Variants in KDM2B observed in about 807,000 individuals in gnomAD.
KDM2B encodes the protein lysine-specific demethylase 2B.
A neutral mutation model predicts 150.0 loss-of-function variants in KDM2B; 26 were observed. That is an observed-to-expected ratio of 0.17 (90% CI 0.13 to 0.24). The LOEUF is 0.24. Ranked by LOEUF, KDM2B falls within the 10% of genes least tolerant of loss-of-function variation. The probability of loss-of-function intolerance (pLI) is 1.00; values close to 1 mark genes in which losing one functional copy is unlikely to be tolerated. For missense variants in KDM2B, 1,265 were observed against 1,816.9 expected (o/e 0.70, Z 5.52); for synonymous variants, 734 against 729.5 (o/e 1.01, Z -0.10).
chr12:121,455,886 C>T (rs1878155503), intron 12 of KDM2B, among the ~76,000 whole-genome samples: 1 of 152,142 alleles, frequency 6.6e-6, no homozygotes, highest in Non-Finnish European at 1.5e-5. Flanking sequence ...TTCAGAGCTT[C>T]CTGGATTTGA....
In KDM2B at chr12:121,468,234, T is replaced by G. The variant is rs782320139; in HGVS notation, c.1735-14890A>C. On this transcript the variant is annotated intron_variant, in intron 12 of 22. Coordinates refer to ENST00000377071, the MANE Select transcript of KDM2B (RefSeq NM_032590.5). The surrounding 1 kb of genome is among the most constrained non-coding windows in gnomAD (Gnocchi z 4.0). ...GGTGTGGGTTTCTGAATTCTTAAGC[T>G]GCAAAGGTTCCTAGTGCTCACTCCA... 6.6e-6 allele frequency: 1 copy of G among 152,288 alleles called. No homozygotes were observed. The highest frequency in any genetic ancestry group is 6.5e-5 in the Admixed American group (1 of 15,274). The allele number at this position is 152,288 out of a possible 1,614,324, so 9.4% of individuals were successfully genotyped here.
At chr12:121,522,965 C>G (rs1479291474) in intron 8 of KDM2B, among the ~76,000 whole-genome samples, 1 of 152,258 alleles carries the variant, frequency 6.6e-6, no homozygotes. Flanking sequence ...CCCTCATTCA[C>G]TGGGACACAC....
intron 12 of KDM2B, among the ~76,000 whole-genome samples, chr12:121,462,272 A>C (rs1414733745): frequency 5.5e-5 from 8 of 146,304 alleles, no homozygotes; most frequent in Admixed American, 5.3e-4. Flanking sequence ...GCCCCTTAAC[A>C]CACGCCTGTA....
chr12:121,501,221 A>C (rs986344055), intron 11 of KDM2B, among the ~76,000 whole-genome samples: 1 of 152,138 alleles, frequency 6.6e-6, no homozygotes, highest in South Asian at 2.1e-4. Flanking sequence ...AATCTACAAG[A>C]AAATGAAGGC....
downstream of KDM2B, among the ~76,000 whole-genome samples, chr12:121,427,613 C>T (rs1872571955): frequency 6.6e-6 from 1 of 152,152 alleles, no homozygotes; most frequent in Admixed American, 6.5e-5. Context: ...CTGGATTGTT[C>T]AGTACTCTTG....
chr12:121,473,113 G>C (rs1387396380), intron 12 of KDM2B, among the ~76,000 whole-genome samples: 1 of 152,138 alleles, frequency 6.6e-6, no homozygotes, highest in African/African-American at 2.4e-5. Context: ...ATGACAGGTT[G>C]GGCGCAGTGG....
chr12:121,547,570 G>A (rs1889154428), intron 6 of KDM2B, among the ~76,000 whole-genome samples: 2 of 151,570 alleles, frequency 1.3e-5, no homozygotes, highest in Non-Finnish European at 3.0e-5. Flanking sequence ...ATGGATTCAG[G>A]CCGCCAGCGC....
the KDM2B span, chr12:121,420,408 C>A: frequency 1.3e-6 from 2 of 1,552,666 alleles, no homozygotes; most frequent in Non-Finnish European, 1.7e-6. Flanking sequence ...TGTGGACATT[C>A]GCTAGATTAG....
intron 1 of KDM2B, among the ~76,000 whole-genome samples, chr12:121,579,210 T>TGCCCTGC (rs1178314204): frequency 2.0e-5 from 3 of 152,180 alleles, no homozygotes; most frequent in Non-Finnish European, 4.4e-5. Context: ...CTGGGGACCC[T>TGCCCTGC]CCCCTGCCCC....
chr12:121,550,797 A>AT (rs368990532), intron 4 of KDM2B, among the ~76,000 whole-genome samples: 3 of 151,362 alleles, frequency 2.0e-5, no homozygotes, highest in East Asian at 1.9e-4. Context: ...ACTGGCCTAG[A>AT]TTTTTTTTTC....
chr12:121,467,300 T>G lies in KDM2B; in HGVS notation c.1735-13956A>C. 1.0e-6 allele frequency: 1 copy of G among 983,588 alleles called. No individual in the cohort carries two copies. The highest frequency in any genetic ancestry group is 1.2e-6 in the Non-Finnish European group (1 of 829,880). The allele number at this position is 983,588 out of a possible 1,614,324, so 60.9% of individuals were successfully genotyped here. A position where few individuals can be genotyped will look rare whatever the true frequency, so the allele number is the denominator to read the frequency against. The stretch of plus-strand genomic sequence containing the variant: ...CGCCCGGAGCAGGCTCGGCTCGCCC[T>G]GGCTCGGGCTCGGGCTCGGGCTCGG... On this transcript the variant is annotated intron_variant, in intron 12 of 22. Coordinates refer to ENST00000377071, the MANE Select transcript of KDM2B (RefSeq NM_032590.5). The surrounding 1 kb of genome is among the most constrained non-coding windows in gnomAD (Gnocchi z 5.1).
chr12:121,497,766 C>A (rs1417030831), intron 11 of KDM2B, among the ~76,000 whole-genome samples: 3 of 151,884 alleles, frequency 2.0e-5, no homozygotes, highest in African/African-American at 7.3e-5. Context: ...TAATATTGTA[C>A]CTTGGGTGGG....
intron 12 of KDM2B, among the ~76,000 whole-genome samples, chr12:121,484,734 C>G (rs1439565907): frequency 6.6e-6 from 1 of 152,114 alleles, no homozygotes; most frequent in Non-Finnish European, 1.5e-5. Context: ...GGGAGGATCC[C>G]TTGAGCCCGG....
intron 6 of KDM2B, among the ~76,000 whole-genome samples, chr12:121,546,452 G>A (rs557697955): frequency 6.5e-4 from 83 of 127,312 alleles, no homozygotes; most frequent in African/African-American, 2.3e-3. Context: ...GCGCGATCTC[G>A]GCTCACTGCA....
At chr12:121,474,719 G>A (rs1042342672) in intron 12 of KDM2B, among the ~76,000 whole-genome samples, 1 of 152,214 alleles carries the variant, frequency 6.6e-6, no homozygotes, top group Non-Finnish European at 1.5e-5. Context: ...TTGGAAGGCT[G>A]AGGTGGGCGA....
At chr12:121,571,800 G>A (rs1214884817) in intron 4 of KDM2B, among the ~76,000 whole-genome samples, 1 of 151,684 alleles carries the variant, frequency 6.6e-6, no homozygotes, top group Middle Eastern at 3.4e-3. Flanking sequence ...ACAGCCGCCC[G>A]CCACTACACC....
intron 22 of KDM2B, among the ~76,000 whole-genome samples, chr12:121,433,611 G>A (rs562254089): frequency 6.6e-6 from 1 of 152,336 alleles, no homozygotes; most frequent in East Asian, 1.9e-4. Flanking sequence ...TAAATGGAAA[G>A]TCAAGACTTA....
chr12:121,475,180 C>CTGTGTG (rs1881212468), intron 12 of KDM2B, among the ~76,000 whole-genome samples: 1 of 111,006 alleles, frequency 9.0e-6, no homozygotes, highest in South Asian at 3.4e-4. Context: ...CTACACATGA[C>CTGTGTG]TCTGTGTGTG....
At chr12:121,446,171 G>A (rs372322694) in intron 13 of KDM2B, among the ~76,000 whole-genome samples, 55 of 152,280 alleles carry the variant, frequency 3.6e-4, no homozygotes, top group African/African-American at 8.9e-4. Context: ...CAAGGCGGGC[G>A]GATCACAAGG....
Sources: gnomAD v4.1 joint callset for allele counts (sites outside exome capture counted in the v4.1 genomes callset) on GRCh38, gnomAD v4.1.1 for gene constraint, Gnocchi (gnomAD v3.1) non-coding constraint, MANE v1.5 for transcripts, NCBI Gene and HGNC (gene_info 2026-07-23, HGNC 2026-07-21) for gene names.